Variants in FIRRM observed in about 807,000 individuals in gnomAD.
The protein encoded by FIRRM is FIGNL1-interacting regulator of recombination and mitosis.
the FIRRM span, among the ~76,000 whole-genome samples, chr1:169,790,260 C>G: frequency 7.2e-5 from 11 of 152,120 alleles, no homozygotes; most frequent in Non-Finnish European, 1.5e-4. Context: ...TCACTGCAAC[C>G]TCCGCCTCCT....
chr1:169,829,556 C>A, the FIRRM span: 2 of 1,043,042 alleles, frequency 1.9e-6, no homozygotes, highest in South Asian at 2.2e-5. Flanking sequence ...TAGTATATTC[C>A]TTTTGAGTGA....
the FIRRM span, chr1:169,837,001 G>A: frequency 3.4e-5 from 55 of 1,613,560 alleles, no homozygotes; most frequent in Admixed American, 3.8e-4. Context: ...CCTTCCAGGC[G>A]TTACCTCCTG....
chr1:169,818,426 C>G, the FIRRM span, among the ~76,000 whole-genome samples: 1 of 152,200 alleles, frequency 6.6e-6, no homozygotes, highest in Non-Finnish European at 1.5e-5. Context: ...AACCTAATAT[C>G]TAACCTGCCT....
At chr1:169,826,402 G>T in the FIRRM span, among the ~76,000 whole-genome samples, 1 of 134,216 alleles carries the variant, frequency 7.5e-6, no homozygotes, top group Non-Finnish European at 1.5e-5. Flanking sequence ...TCACTCTGCC[G>T]CCCAGGCTGG....
chr1:169,853,221 CAGAT>C, the FIRRM span: 26 of 534,002 alleles, frequency 4.9e-5, no homozygotes, highest in Non-Finnish European at 7.3e-5. Context: ...ACCATTTACT[CAGAT>C]AGTCTAACTG....
the FIRRM span, chr1:169,853,423 G>A: frequency 5.1e-6 from 2 of 395,258 alleles, no homozygotes; most frequent in Non-Finnish European, 9.0e-6. Context: ...GGAAAAAGCA[G>A]TAAATTCGAC....
the FIRRM span, among the ~76,000 whole-genome samples, chr1:169,841,162 G>A: frequency 3.9e-5 from 6 of 152,094 alleles, no homozygotes; most frequent in African/African-American, 1.4e-4. Flanking sequence ...ATTATAAAGG[G>A]ATGTTGGATT....
At chr1:169,844,585 A>G in the FIRRM span, among the ~76,000 whole-genome samples, 3 of 152,222 alleles carry the variant, frequency 2.0e-5, no homozygotes, top group Non-Finnish European at 4.4e-5. Flanking sequence ...GCTGTTTTTA[A>G]TGGTGTATGT....
At chr1:169,808,419 T>C in the FIRRM span, among the ~76,000 whole-genome samples, 1 of 152,158 alleles carries the variant, frequency 6.6e-6, no homozygotes, top group Admixed American at 6.5e-5. Flanking sequence ...GTTGAATTGG[T>C]ATCCCATTTA....
the FIRRM span, chr1:169,793,048 T>C: frequency 6.2e-7 from 1 of 1,614,198 alleles, no homozygotes; most frequent in Non-Finnish European, 8.5e-7. Flanking sequence ...TGTTATAATC[T>C]TGAAAGTGAA....
chr1:169,825,573 C>T, the FIRRM span, among the ~76,000 whole-genome samples: 2 of 152,200 alleles, frequency 1.3e-5, no homozygotes, highest in African/African-American at 2.4e-5. Flanking sequence ...TGCAATGATG[C>T]TCAGTAGATG....
At chr1:169,803,929 G>A in the FIRRM span, 2 of 458,584 alleles carry the variant, frequency 4.4e-6, no homozygotes, top group Admixed American at 4.1e-5. Flanking sequence ...ATCTCTTGAA[G>A]CACACTATAT....
the FIRRM span, chr1:169,806,001 C>T: frequency 1.9e-3 from 3,053 of 1,576,242 alleles, 43 homozygotes; most frequent in African/African-American, 0.032. Flanking sequence ...TCTTTCTTTG[C>T]AGTTATTCAT....
chr1:169,817,367 A>T, the FIRRM span, among the ~76,000 whole-genome samples: 1 of 152,238 alleles, frequency 6.6e-6, no homozygotes, highest in Non-Finnish European at 1.5e-5. Flanking sequence ...GATGACAAAA[A>T]GCCTTAGGGC....
chr1:169,812,054 G>C, the FIRRM span, among the ~76,000 whole-genome samples: 1 of 152,180 alleles, frequency 6.6e-6, no homozygotes, highest in Non-Finnish European at 1.5e-5. Context: ...TTAAACAGTT[G>C]AGTAAATCAA....
At chr1:169,797,617 C>T in the FIRRM span, among the ~76,000 whole-genome samples, 2 of 152,200 alleles carry the variant, frequency 1.3e-5, no homozygotes, top group South Asian at 4.1e-4. Context: ...TGCAGTGGTG[C>T]GATCTCAGCT....
the FIRRM span, chr1:169,821,878 C>T: frequency 1.8e-6 from 1 of 561,920 alleles, no homozygotes; most frequent in Non-Finnish European, 3.0e-6. Context: ...GATCAAGTCA[C>T]ATATCTAGAA....
the FIRRM span, chr1:169,843,780 T>C: frequency 6.7e-7 from 1 of 1,501,812 alleles, no homozygotes; most frequent in South Asian, 1.1e-5. Context: ...GTAAGAATAA[T>C]GACCAGATTG....
chr1:169,792,581 C>T, the FIRRM span: 2 of 1,528,390 alleles, frequency 1.3e-6, no homozygotes, highest in Non-Finnish European at 8.7e-7. Flanking sequence ...TGTTAATTAA[C>T]CAGGAAACTT....
Sources: allele counts gnomAD v4.1 joint callset (sites outside exome capture counted in the v4.1 genomes callset), GRCh38; gene constraint gnomAD v4.1.1; transcripts MANE v1.5; gene names NCBI Gene and HGNC (gene_info 2026-07-23, HGNC 2026-07-21).